Variants in MACROD1 observed in about 807,000 individuals in gnomAD.
MACROD1 encodes ADP-ribose glycohydrolase MACROD1.
A neutral mutation model predicts 41.4 loss-of-function variants in MACROD1; 31 were observed. The ratio of observed to expected loss-of-function variants is 0.75; its 90% confidence interval spans 0.56 to 1.01. MACROD1 has a LOEUF of 1.01. Among genes scored for constraint, MACROD1 ranks in the 50% least tolerant of loss-of-function variants. MACROD1 has a pLI of 0.00. For missense variants in MACROD1, 473 were observed against 460.0 expected (o/e 1.03, Z -0.26); for synonymous variants, 252 against 203.4 (o/e 1.24, Z -2.03).
At chr11:64,148,929 G>A (rs1229037221) in intron 3 of MACROD1, 13 of 985,322 alleles carry the variant, frequency 1.3e-5, no homozygotes, top group Non-Finnish European at 1.4e-5. Flanking sequence ...AGCCCTGGAC[G>A]GCTGAAAGGA....
intron 3 of MACROD1, chr11:64,118,924 G>C (rs761392849): frequency 1.2e-5 from 2 of 163,096 alleles, no homozygotes; most frequent in Non-Finnish European, 3.0e-5. Context: ...TCATGTAGTC[G>C]ATTAAAAAAA....
At chr11:64,163,872 T>C (rs942596304) in intron 1 of MACROD1, among the ~76,000 whole-genome samples, 16 of 152,210 alleles carry the variant, frequency 1.1e-4, no homozygotes, top group Non-Finnish European at 1.5e-5. Context: ...CCTCTAACTG[T>C]GGCTTCAGTA....
At chr11:64,136,590 G>A (rs1259882676) in intron 3 of MACROD1, among the ~76,000 whole-genome samples, 3 of 152,236 alleles carry the variant, frequency 2.0e-5, no homozygotes, top group African/African-American at 7.2e-5. Context: ...GATGCAACAA[G>A]GCCAGGAGAC....
At chr11:64,024,846 G>T (rs866879639) in intron 3 of MACROD1, among the ~76,000 whole-genome samples, 1 of 152,176 alleles carries the variant, frequency 6.6e-6, no homozygotes, top group Admixed American at 6.5e-5. Context: ...GGGCAGGCCC[G>T]ACTGCCCCGT....
At chr11:64,097,695 C>G (rs1236188634) in intron 3 of MACROD1, among the ~76,000 whole-genome samples, 1 of 152,264 alleles carries the variant, frequency 6.6e-6, no homozygotes, top group Non-Finnish European at 1.5e-5. Flanking sequence ...TCTTCTCACC[C>G]TGCTACTCGG....
intron 4 of MACROD1, among the ~76,000 whole-genome samples, chr11:64,014,464 G>A (rs1388689615): frequency 6.6e-6 from 1 of 152,218 alleles, no homozygotes; most frequent in Non-Finnish European, 1.5e-5. Flanking sequence ...AACCTGGCCT[G>A]GGCCCTGCCA....
At chr11:64,022,801 C>A (rs1485934180) in intron 3 of MACROD1, among the ~76,000 whole-genome samples, 1 of 151,404 alleles carries the variant, frequency 6.6e-6, no homozygotes, top group Non-Finnish European at 1.5e-5. Flanking sequence ...GGAGCAGGGG[C>A]CTCACTGGAG....
chr11:64,025,779 G>C (rs1268659831), intron 3 of MACROD1, among the ~76,000 whole-genome samples: 1 of 151,022 alleles, frequency 6.6e-6, no homozygotes, highest in Admixed American at 6.6e-5. Flanking sequence ...GAGTGCAATG[G>C]TGGGATCATA....
chr11:64,049,554 C>T (rs760154409), intron 3 of MACROD1, among the ~76,000 whole-genome samples: 7 of 152,348 alleles, frequency 4.6e-5, no homozygotes, highest in South Asian at 4.1e-4. Flanking sequence ...TCTTGGTCTC[C>T]GAGCTCAGCT....
intron 3 of MACROD1, among the ~76,000 whole-genome samples, chr11:64,045,043 G>C (rs1943557873): frequency 6.6e-6 from 1 of 152,236 alleles, no homozygotes; most frequent in African/African-American, 2.4e-5. Flanking sequence ...GAACAGCCTT[G>C]GCAGAGGCAT....
At chr11:64,028,429 G>A (rs1943249688) in intron 3 of MACROD1, among the ~76,000 whole-genome samples, 1 of 152,230 alleles carries the variant, frequency 6.6e-6, no homozygotes, top group African/African-American at 2.4e-5. Context: ...GCTGCAGAGG[G>A]AGGAGGGAGA....
At chr11:64,030,880 T>G in intron 3 of MACROD1, among the ~76,000 whole-genome samples, 1 of 146,978 alleles carries the variant, frequency 6.8e-6, no homozygotes. Context: ...GTAGATCCTG[T>G]CTCTTAAAAA....
At chr11:64,094,971 G>A (rs919887912) in intron 3 of MACROD1, among the ~76,000 whole-genome samples, 4 of 152,216 alleles carry the variant, frequency 2.6e-5, no homozygotes, top group African/African-American at 9.6e-5. Context: ...AAAGTACTAG[G>A]GGCCTCGTTA....
intron 3 of MACROD1, among the ~76,000 whole-genome samples, chr11:64,038,272 C>G (rs1378850401): frequency 1.3e-5 from 2 of 152,154 alleles, no homozygotes; most frequent in African/African-American, 4.8e-5. Flanking sequence ...GTCGCATTCA[C>G]TGGGTGACCC....
chr11:64,164,984 T>A (rs1176269780), intron 1 of MACROD1, among the ~76,000 whole-genome samples: 2 of 152,220 alleles, frequency 1.3e-5, no homozygotes, highest in Non-Finnish European at 1.5e-5. Context: ...AAGGGTGTCA[T>A]CAGTTGTCAC....
intron 3 of MACROD1, among the ~76,000 whole-genome samples, chr11:64,109,233 C>T (rs1233412116): frequency 6.6e-6 from 1 of 152,088 alleles, no homozygotes; most frequent in African/African-American, 2.4e-5. Flanking sequence ...TCCATGAGGG[C>T]CAGGAGCCAG....
chr11:64,013,299 G>A (rs1454832327), intron 4 of MACROD1, among the ~76,000 whole-genome samples: 2 of 152,224 alleles, frequency 1.3e-5, no homozygotes, highest in Admixed American at 6.5e-5. Context: ...GCATGGGGCA[G>A]GGGAGGCAGC....
At chr11:64,091,692 G>C (rs1202443723) in intron 3 of MACROD1, among the ~76,000 whole-genome samples, 1 of 152,206 alleles carries the variant, frequency 6.6e-6, no homozygotes, top group Non-Finnish European at 1.5e-5. Flanking sequence ...CACAGCTGCT[G>C]AAGTTGCACG....
intron 3 of MACROD1, among the ~76,000 whole-genome samples, chr11:64,110,556 G>A (rs1349130041): frequency 2.0e-5 from 3 of 151,014 alleles, no homozygotes; most frequent in Admixed American, 1.3e-4. Context: ...GACTGATAGA[G>A]CCAAGAATAA....
Sources: gnomAD v4.1 joint callset for allele counts (sites outside exome capture counted in the v4.1 genomes callset) on GRCh38, gnomAD v4.1.1 for gene constraint, MANE v1.5 for transcripts, NCBI Gene and HGNC (gene_info 2026-07-23, HGNC 2026-07-21) for gene names.